ARHGAP26: variants seen among roughly 807,000 people sequenced by gnomAD.
The protein encoded by ARHGAP26 is rho GTPase-activating protein 26.
Under a neutral mutation model 104.8 loss-of-function variants are expected in ARHGAP26, and 38 were observed. That is an observed-to-expected ratio of 0.36 (90% confidence interval 0.28 to 0.48). The LOEUF (loss-of-function observed/expected upper bound fraction) is 0.48. Among genes scored for constraint, ARHGAP26 ranks in the 20% least tolerant of loss-of-function variants. The probability of loss-of-function intolerance (pLI) is 0.99; values close to 1 mark genes in which losing one functional copy is unlikely to be tolerated. For missense variants in ARHGAP26, 704 were observed against 947.9 expected (o/e 0.74, Z 3.38); for synonymous variants, 341 against 340.0 (o/e 1.00, Z -0.03).
At chr5:143,076,630 C>A (rs1471011731) in intron 17 of ARHGAP26, among the ~76,000 whole-genome samples, 1 of 152,188 alleles carries the variant, frequency 6.6e-6, no homozygotes, top group Non-Finnish European at 1.5e-5. Flanking sequence ...AAAGCATTAA[C>A]ATGAATTTTA....
chr5:142,782,898 A>G (rs937879107), intron 1 of ARHGAP26, among the ~76,000 whole-genome samples: 3 of 152,186 alleles, frequency 2.0e-5, no homozygotes, highest in Non-Finnish European at 4.4e-5. Flanking sequence ...TTAAAAGTGA[A>G]GGTGTACAAG....
chr5:143,087,662 T>TTTTTTTGTTGGG (rs1790797248), intron 17 of ARHGAP26, among the ~76,000 whole-genome samples: 1 of 141,634 alleles, frequency 7.1e-6, no homozygotes, highest in African/African-American at 2.7e-5. Flanking sequence ...TTTTTTTTTT[T>TTTTTTTGTTGGG]GAGACGGAGT....
chr5:142,896,096 T>G (rs1309797377), intron 6 of ARHGAP26, among the ~76,000 whole-genome samples: 1 of 152,180 alleles, frequency 6.6e-6, no homozygotes, highest in Non-Finnish European at 1.5e-5. Context: ...TAAAGCAGCC[T>G]TATTGATTTT....
intron 8 of ARHGAP26, among the ~76,000 whole-genome samples, chr5:142,906,941 G>A (rs190308087): frequency 3.9e-5 from 6 of 152,104 alleles, no homozygotes; most frequent in Admixed American, 2.6e-4. Flanking sequence ...ATTGGTTGAA[G>A]TCCTTTGCAG....
intron 20 of ARHGAP26, among the ~76,000 whole-genome samples, chr5:143,169,226 C>A (rs1200072052): frequency 6.6e-6 from 1 of 152,198 alleles, no homozygotes; most frequent in Non-Finnish European, 1.5e-5. Flanking sequence ...CTATTCAAGA[C>A]CCTGTATGTC....
At chr5:143,212,637 G>A (rs2151386310) in intron 21 of ARHGAP26, among the ~76,000 whole-genome samples, 1 of 152,184 alleles carries the variant, frequency 6.6e-6, no homozygotes, top group Admixed American at 6.5e-5. Context: ...TTGGCTCCTA[G>A]AAAACCAGAG....
intron 20 of ARHGAP26, among the ~76,000 whole-genome samples, chr5:143,197,973 A>T (rs897003844): frequency 3.9e-5 from 6 of 152,220 alleles, no homozygotes; most frequent in African/African-American, 1.2e-4. Flanking sequence ...ATATCTGTAC[A>T]TCCAGTTCCC....
chr5:143,052,858 G>C (rs1029263224), intron 14 of ARHGAP26, among the ~76,000 whole-genome samples: 1 of 152,204 alleles, frequency 6.6e-6, no homozygotes, highest in Non-Finnish European at 1.5e-5. Flanking sequence ...AGGAGGAACA[G>C]CTTTCTTCAT....
chr5:143,020,216 G>A (rs1780125445), intron 12 of ARHGAP26, among the ~76,000 whole-genome samples: 1 of 152,160 alleles, frequency 6.6e-6, no homozygotes, highest in African/African-American at 2.4e-5. Context: ...CCAAAGTGCT[G>A]GGATTATAGG....
intron 20 of ARHGAP26, among the ~76,000 whole-genome samples, chr5:143,193,240 C>CTTTTTTTTTT (rs57462040): frequency 5.4e-5 from 4 of 74,622 alleles, no homozygotes; most frequent in African/African-American, 1.8e-4. Context: ...ATTTTCTTTT[C>CTTTTTTTTTT]TTTTTTTTTT....
chr5:142,864,843 C>A (rs1753978877), intron 1 of ARHGAP26, among the ~76,000 whole-genome samples: 1 of 152,352 alleles, frequency 6.6e-6, no homozygotes, highest in South Asian at 2.1e-4. Flanking sequence ...TTGCCAAAGG[C>A]CACACAGCTG....
In ARHGAP26 at chr5:142,916,197, T is replaced by TA. The variant is rs1191941708; in HGVS notation, c.1028+2905dup. Among the ~76,000 whole-genome samples, 6 of 152,366 alleles carry TA rather than the reference T, an allele frequency of 3.9e-5. No individual in the cohort carries two copies. The East Asian group carries it at 9.6e-4, about 24-fold the overall frequency. On this transcript the variant is annotated intron_variant, in intron 10 of 22. Transcript: ENST00000645722. ...ATGTTTTATTCTATCAAGATACAAATACATGTTGAAGTGTGAAGTATGTGA... is the reference window on the plus strand; with the variant it reads ...ATGTTTTATTCTATCAAGATACAAATAACATGTTGAAGTGTGAAGTATGTGA...
chr5:143,187,174 G>A (rs572282426), intron 20 of ARHGAP26, among the ~76,000 whole-genome samples: 1 of 152,142 alleles, frequency 6.6e-6, no homozygotes, highest in Non-Finnish European at 1.5e-5. Context: ...GGGACACAGA[G>A]GTTAAGTTGC....
At chr5:143,148,189 C>T (rs1462347927) in intron 20 of ARHGAP26, among the ~76,000 whole-genome samples, 1 of 152,180 alleles carries the variant, frequency 6.6e-6, no homozygotes, top group Non-Finnish European at 1.5e-5. Context: ...TTTTCCCATT[C>T]TCTAAGTGAA....
intron 1 of ARHGAP26, among the ~76,000 whole-genome samples, chr5:142,801,554 G>T (rs1762073640): frequency 6.6e-6 from 1 of 150,914 alleles, no homozygotes; most frequent in Non-Finnish European, 1.5e-5. Context: ...TGGGTACCTT[G>T]TCTGAATCCC....
At chr5:143,042,417 T>C (rs1783601318) in intron 14 of ARHGAP26, among the ~76,000 whole-genome samples, 1 of 152,232 alleles carries the variant, frequency 6.6e-6, no homozygotes, top group Non-Finnish European at 1.5e-5. Flanking sequence ...ACCTGTCACT[T>C]GAGCAGCAGA....
intron 20 of ARHGAP26, among the ~76,000 whole-genome samples, chr5:143,198,248 AT>A (rs1168834087): frequency 1.3e-5 from 2 of 152,196 alleles, no homozygotes; most frequent in Non-Finnish European, 2.9e-5. Flanking sequence ...AAGTATTGGG[AT>A]TTCTTAGCAA....
chr5:143,087,947 C>T (rs973746866), intron 17 of ARHGAP26, among the ~76,000 whole-genome samples: 10 of 151,866 alleles, frequency 6.6e-5, no homozygotes, highest in Admixed American at 3.9e-4. Flanking sequence ...CCACGCCTGG[C>T]CTATCCTGGC....
intron 11 of ARHGAP26, among the ~76,000 whole-genome samples, chr5:142,970,922 A>G (rs370835842): frequency 3.6e-4 from 55 of 152,366 alleles, no homozygotes; most frequent in Middle Eastern, 3.4e-3. Context: ...TAAAATAGCC[A>G]TCTTTCAGGA....
Sources: allele counts gnomAD v4.1 joint callset (sites outside exome capture counted in the v4.1 genomes callset), GRCh38; gene constraint gnomAD v4.1.1; transcripts MANE v1.5; gene names NCBI Gene and HGNC (gene_info 2026-07-23, HGNC 2026-07-21).